The following ERC1 variants were observed in gnomAD, a reference collection of about 807,000 sequenced individuals.
ERC1 encodes ELKS/RAB6-interacting/CAST family member 1.
Under a neutral mutation model 132.0 loss-of-function variants are expected in ERC1, and 56 were observed. The observed-to-expected ratio is 0.42, with a 90% CI of 0.34 to 0.53. ERC1 has a LOEUF of 0.53. Among genes scored for constraint, ERC1 ranks in the 20% least tolerant of loss-of-function variants. ERC1 has a pLI of 0.03. For missense variants in ERC1, 1,202 were observed against 1,349.9 expected, an observed-to-expected ratio of 0.89 and a Z score of 1.72; for synonymous variants, 478 against 476.1, an observed-to-expected ratio of 1.00 and a Z score of -0.05.
chr12:1,262,284 T>C lies in ERC1; in HGVS notation c.2488-750T>C, dbSNP rs150173639. On this transcript the variant is annotated intron_variant, in intron 13 of 18. Coordinates refer to ENST00000360905, the MANE Select transcript of ERC1 (RefSeq NM_178040.4). ...CTTCATGTTGTCTTCTTAAGATCTC[T>C]CCTATCTTACATGAACTCAGCGTTC... Among the ~76,000 whole-genome samples the C allele has an allele frequency of 7.1e-3, 1,082 of 152,358 alleles. 20 individuals carry two copies. The highest frequency in any genetic ancestry group is 0.054 in the South Asian group (263 of 4,830).
At chr12:1,435,835 T>C (rs1487651425) in intron 17 of ERC1, among the ~76,000 whole-genome samples, 2 of 152,222 alleles carry the variant, frequency 1.3e-5, no homozygotes, top group Non-Finnish European at 2.9e-5. Flanking sequence ...AAGGTGCCCA[T>C]TTCTGATATT....
intron 12 of ERC1, among the ~76,000 whole-genome samples, chr12:1,220,538 T>G (rs1290234564): frequency 6.6e-6 from 1 of 152,244 alleles, no homozygotes; most frequent in Non-Finnish European, 1.5e-5. Context: ...TTTGTGTTTT[T>G]GAGCAATTCT....
intron 12 of ERC1, among the ~76,000 whole-genome samples, chr12:1,203,749 G>A (rs1041124665): frequency 6.6e-6 from 1 of 152,198 alleles, no homozygotes; most frequent in Non-Finnish European, 1.5e-5. Flanking sequence ...GCTTGTTGTT[G>A]TAAAAGACAG....
At chr12:1,413,608 TAAAAA>T (rs112332779) in intron 17 of ERC1, among the ~76,000 whole-genome samples, 1 of 150,298 alleles carries the variant, frequency 6.7e-6, no homozygotes, top group African/African-American at 2.4e-5. Context: ...AAAGAAAAGG[TAAAAA>T]AAAAGAAAAA....
At chr12:1,458,933 G>C (rs1197427108) in intron 18 of ERC1, among the ~76,000 whole-genome samples, 1 of 152,186 alleles carries the variant, frequency 6.6e-6, no homozygotes, top group African/African-American at 2.4e-5. Flanking sequence ...GAGCTCTTTG[G>C]GGAAATGACT....
chr12:1,486,915 G>C (rs1034417808), intron 18 of ERC1, among the ~76,000 whole-genome samples: 1 of 152,180 alleles, frequency 6.6e-6, no homozygotes, highest in African/African-American at 2.4e-5. Flanking sequence ...AGAGTTACCT[G>C]GCTCAGAATA....
At chr12:1,465,975 G>A (rs2093734848) in intron 18 of ERC1, among the ~76,000 whole-genome samples, 1 of 152,152 alleles carries the variant, frequency 6.6e-6, no homozygotes, top group African/African-American at 2.4e-5. Context: ...TGAGACAAGT[G>A]AAGACATATC....
chr12:1,120,542 C>T (rs1268682964), intron 7 of ERC1, among the ~76,000 whole-genome samples: 3 of 152,142 alleles, frequency 2.0e-5, no homozygotes, highest in African/African-American at 4.8e-5. Flanking sequence ...ATATCATTTA[C>T]AGTATTCTCA....
chr12:1,363,318 A>G (rs2086315214), intron 15 of ERC1, among the ~76,000 whole-genome samples: 1 of 152,188 alleles, frequency 6.6e-6, no homozygotes, highest in Admixed American at 6.5e-5. Context: ...ACTTGCCATA[A>G]TCTTATGAAC....
At chr12:1,244,576 C>T (rs1161251436) in intron 13 of ERC1, 1 of 451,862 alleles carries the variant, frequency 2.2e-6, no homozygotes, top group Non-Finnish European at 4.4e-6. Flanking sequence ...GGCAGGAGTG[C>T]AGTGGTGTGA....
chr12:1,098,003 T>C (rs1232812109), intron 3 of ERC1, among the ~76,000 whole-genome samples: 1 of 152,174 alleles, frequency 6.6e-6, no homozygotes, highest in Non-Finnish European at 1.5e-5. Context: ...GCGTGAGCCA[T>C]GGTGCCCGGA....
chr12:1,149,403 G>A (rs541242634), intron 8 of ERC1, among the ~76,000 whole-genome samples: 1 of 152,160 alleles, frequency 6.6e-6, no homozygotes, highest in African/African-American at 2.4e-5. Context: ...ATATATATTG[G>A]TTGATTTGTT....
chr12:1,478,770 C>T (rs2094025920), intron 18 of ERC1, among the ~76,000 whole-genome samples: 1 of 145,828 alleles, frequency 6.9e-6, no homozygotes, highest in Non-Finnish European at 1.5e-5. Context: ...GCCTGAGCGA[C>T]AGAGTGAGAC....
chr12:1,114,891 CA>C (rs1946287028), intron 6 of ERC1, among the ~76,000 whole-genome samples: 1 of 152,142 alleles, frequency 6.6e-6, no homozygotes, highest in South Asian at 2.1e-4. Flanking sequence ...TGGTGTTCCT[CA>C]AAGGTCTAAT....
At chr12:1,442,281 A>G (rs1461597768) in intron 17 of ERC1, among the ~76,000 whole-genome samples, 1 of 152,176 alleles carries the variant, frequency 6.6e-6, no homozygotes, top group Non-Finnish European at 1.5e-5. Context: ...AAAAGTTGGT[A>G]TTGTTTGCAA....
chr12:1,142,229 G>T (rs367680044), intron 8 of ERC1, among the ~76,000 whole-genome samples: 1 of 152,110 alleles, frequency 6.6e-6, no homozygotes, highest in Admixed American at 6.5e-5. Flanking sequence ...AAAAAAATGT[G>T]TGTGTGTCTA....
intron 18 of ERC1, among the ~76,000 whole-genome samples, chr12:1,486,272 A>G (rs910965076): frequency 1.3e-5 from 2 of 152,256 alleles, no homozygotes; most frequent in Admixed American, 1.3e-4. Context: ...ACACAAATAC[A>G]CACATACATA....
chr12:1,071,056 A>G (rs1940253423), intron 2 of ERC1, among the ~76,000 whole-genome samples: 1 of 152,068 alleles, frequency 6.6e-6, no homozygotes, highest in East Asian at 1.9e-4. Flanking sequence ...ACTGAGTAAC[A>G]CTCCATTGTG....
At chr12:1,334,123 G>T (rs1243052794) in intron 15 of ERC1, among the ~76,000 whole-genome samples, 1 of 151,808 alleles carries the variant, frequency 6.6e-6, no homozygotes, top group East Asian at 1.9e-4. Flanking sequence ...AGCTCTTTAT[G>T]GATCCTGGAT....
Sources: gnomAD v4.1 joint callset for allele counts (sites outside exome capture counted in the v4.1 genomes callset) on GRCh38, gnomAD v4.1.1 for gene constraint, MANE v1.5 for transcripts, NCBI Gene and HGNC (gene_info 2026-07-23, HGNC 2026-07-21) for gene names.